The following ATAD2B variants were observed in gnomAD, a reference collection of about 807,000 sequenced individuals.
The protein encoded by ATAD2B is ATPase family AAA domain containing 2B.
ATAD2B carries 40 observed loss-of-function variants against 167.6 expected under a neutral mutation model. That is an observed-to-expected ratio of 0.24 (90% CI 0.19 to 0.31). ATAD2B has a LOEUF of 0.31. Among genes scored for constraint, ATAD2B ranks in the 10% least tolerant of loss-of-function variants. The pLI is 1.00. For synonymous variants in ATAD2B, 579 were observed against 596.5 expected (o/e 0.97, Z 0.43); for missense variants, 1,242 against 1,757.2 (o/e 0.71, Z 5.24).
intron 13 of ATAD2B, among the ~76,000 whole-genome samples, chr2:23,849,862 A>C (rs1397044570): frequency 2.0e-5 from 3 of 152,210 alleles, no homozygotes; most frequent in Non-Finnish European, 4.4e-5. Flanking sequence ...TCTGCTTAAC[A>C]CTATTAATGC....
chr2:23,821,334 G>GT (rs1687413939), intron 16 of ATAD2B, among the ~76,000 whole-genome samples: 1 of 152,168 alleles, frequency 6.6e-6, no homozygotes, highest in African/African-American at 2.4e-5. Flanking sequence ...TAAAGGTGAC[G>GT]TAAGTTTTTT....
chr2:23,721,264 G>C, the ATAD2B span, among the ~76,000 whole-genome samples: 1 of 152,176 alleles, frequency 6.6e-6, no homozygotes, highest in African/African-American at 2.4e-5. Context: ...ACAAGTCCCT[G>C]ACCTGCTTAA....
chr2:23,922,422 A>G (rs1704071332), intron 1 of ATAD2B, among the ~76,000 whole-genome samples: 1 of 152,150 alleles, frequency 6.6e-6, no homozygotes, highest in Non-Finnish European at 1.5e-5. Flanking sequence ...ATCTAACTGC[A>G]TAGCACTAAA....
chr2:23,755,930 C>G (rs2551324), intron 25 of ATAD2B, among the ~76,000 whole-genome samples: 4,598 of 152,214 alleles, frequency 0.03, 84 homozygotes, highest in South Asian at 0.045. Context: ...GGCCTGAAAA[C>G]TCAGATTAGG....
At chr2:23,744,417 ATAT>A (rs1233337217), downstream of ATAD2B, among the ~76,000 whole-genome samples, 2 of 152,180 alleles carry the variant, frequency 1.3e-5, no homozygotes, top group African/African-American at 4.8e-5. Flanking sequence ...AATTTTAAAG[ATAT>A]TAATCCCATT....
At chr2:23,897,590 A>G (rs1462718505) in intron 1 of ATAD2B, among the ~76,000 whole-genome samples, 2 of 152,180 alleles carry the variant, frequency 1.3e-5, no homozygotes, top group African/African-American at 2.4e-5. Flanking sequence ...TATCAGTATC[A>G]TGGATTCTTA....
intron 19 of ATAD2B, among the ~76,000 whole-genome samples, chr2:23,792,966 A>AT (rs1168410257): frequency 6.9e-6 from 1 of 145,272 alleles, no homozygotes; most frequent in Non-Finnish European, 1.5e-5. Context: ...CTGTCTCAAA[A>AT]AAAAAAAAAA....
chr2:23,728,145 GC>G, the ATAD2B span, among the ~76,000 whole-genome samples: 28 of 152,220 alleles, frequency 1.8e-4, no homozygotes, highest in South Asian at 5.6e-3. Flanking sequence ...GGGAAATAGG[GC>G]AGGGGGTGGA....
At chr2:23,858,908 C>T (rs985632126) in intron 12 of ATAD2B, among the ~76,000 whole-genome samples, 1 of 152,028 alleles carries the variant, frequency 6.6e-6, no homozygotes, top group Non-Finnish European at 1.5e-5. Flanking sequence ...AATATTGTAA[C>T]AAATAATAGT....
the ATAD2B span, among the ~76,000 whole-genome samples, chr2:23,735,400 A>G: frequency 3.9e-5 from 6 of 152,362 alleles, no homozygotes; most frequent in Middle Eastern, 3.4e-3. Context: ...AATAACTTCC[A>G]TATCATCAGT....
intron 10 of ATAD2B, among the ~76,000 whole-genome samples, chr2:23,867,594 C>T (rs755188483): frequency 6.6e-6 from 1 of 152,152 alleles, no homozygotes; most frequent in Non-Finnish European, 1.5e-5. Context: ...GTTTATGAAG[C>T]CTTGCCCCTC....
At chr2:23,842,955 A>G (rs147011131) in intron 13 of ATAD2B, among the ~76,000 whole-genome samples, 1 of 152,324 alleles carries the variant, frequency 6.6e-6, no homozygotes, top group East Asian at 1.9e-4. Flanking sequence ...TATCCAGGAC[A>G]CAATCCAAAA....
chr2:23,799,727 T>G (rs1208578283), intron 18 of ATAD2B: 4 of 152,086 alleles, frequency 2.6e-5, no homozygotes, highest in African/African-American at 9.7e-5. Flanking sequence ...GCTTTCAACC[T>G]TCTGTGTAAA....
chr2:23,835,716 G>A (rs1689825167), intron 13 of ATAD2B, among the ~76,000 whole-genome samples: 2 of 152,206 alleles, frequency 1.3e-5, no homozygotes, highest in African/African-American at 2.4e-5. Flanking sequence ...TGGGTGGATC[G>A]TCTGAGGTCA....
At chr2:23,700,739 G>A in the ATAD2B span, among the ~76,000 whole-genome samples, 201 of 152,232 alleles carry the variant, frequency 1.3e-3, 1 homozygote, top group African/African-American at 4.7e-3. The surrounding 1 kb of genome is among the most constrained non-coding windows in gnomAD (Gnocchi z 4.6). Flanking sequence ...TGACACAAAT[G>A]GGTTCTGCAC....
the ATAD2B span, among the ~76,000 whole-genome samples, chr2:23,709,253 G>A: frequency 3.3e-5 from 5 of 152,016 alleles, no homozygotes; most frequent in East Asian, 1.9e-4. Context: ...TGTTGGTCAG[G>A]GTGGTCTCGA....
intron 18 of ATAD2B, among the ~76,000 whole-genome samples, chr2:23,801,348 A>G (rs1683466760): frequency 6.6e-6 from 1 of 152,168 alleles, no homozygotes; most frequent in Non-Finnish European, 1.5e-5. Context: ...ATCAAATACC[A>G]GATAATTCAG....
intron 4 of ATAD2B, among the ~76,000 whole-genome samples, chr2:23,886,533 A>G (rs1487389877): frequency 1.3e-5 from 2 of 152,204 alleles, no homozygotes; most frequent in Non-Finnish European, 2.9e-5. Context: ...TTGTATAAAA[A>G]TAAGTAATTG....
At chr2:23,822,917 C>CAAAAAA (rs33911389) in intron 16 of ATAD2B, among the ~76,000 whole-genome samples, 11 of 66,268 alleles carry the variant, frequency 1.7e-4, no homozygotes, top group South Asian at 7.2e-4. Context: ...AACTCCATCT[C>CAAAAAA]AAAAAAAAAA....
Sources: gnomAD v4.1 joint callset for allele counts (sites outside exome capture counted in the v4.1 genomes callset) on GRCh38, gnomAD v4.1.1 for gene constraint, Gnocchi (gnomAD v3.1) non-coding constraint, MANE v1.5 for transcripts, NCBI Gene and HGNC (gene_info 2026-07-23, HGNC 2026-07-21) for gene names.